The following CNTN1 variants were observed in gnomAD, a reference collection of about 807,000 sequenced individuals.
CNTN1 encodes contactin 1, also known as contactin-1.
CNTN1 carries 38 observed loss-of-function variants against 126.4 expected under a neutral mutation model. The observed-to-expected ratio is 0.30, with a 90% CI of 0.23 to 0.39. CNTN1 has a LOEUF of 0.39. Ranked by LOEUF, CNTN1 falls within the 10% of genes least tolerant of loss-of-function variation. The probability of loss-of-function intolerance (pLI) is 1.00; values close to 1 mark genes in which losing one functional copy is unlikely to be tolerated. For missense variants in CNTN1, 1,009 were observed against 1,248.4 expected (o/e 0.81, Z 2.89); for synonymous variants, 413 against 422.6 (o/e 0.98, Z 0.28).
intron 1 of CNTN1, among the ~76,000 whole-genome samples, chr12:40,779,118 A>G (rs565002217): frequency 1.3e-5 from 2 of 151,836 alleles, no homozygotes; most frequent in Middle Eastern, 3.2e-3. Flanking sequence ...CAAAATAAAT[A>G]ATCTTTATTT....
At chr12:40,972,615 C>T in intron 15 of CNTN1, 1 of 870,472 alleles carries the variant, frequency 1.1e-6, no homozygotes, top group Non-Finnish European at 1.4e-6. Flanking sequence ...AAATAAATGT[C>T]TCTGGCTCAA....
At chr12:40,949,660 C>T (rs912066050) in intron 14 of CNTN1, among the ~76,000 whole-genome samples, 1 of 144,598 alleles carries the variant, frequency 6.9e-6, no homozygotes, top group Non-Finnish European at 1.5e-5. Flanking sequence ...CTCACTGCAA[C>T]CTCTCCCAGG....
At chr12:40,841,901 C>G (rs1290520034) in intron 1 of CNTN1, among the ~76,000 whole-genome samples, 2 of 151,918 alleles carry the variant, frequency 1.3e-5, no homozygotes, top group East Asian at 3.8e-4. Flanking sequence ...ACTCCTATTC[C>G]ACATAGGATT....
intron 14 of CNTN1, among the ~76,000 whole-genome samples, chr12:40,952,647 TTAAGAG>T (rs1184105764): frequency 1.3e-5 from 2 of 152,108 alleles, no homozygotes; most frequent in African/African-American, 4.8e-5. Context: ...AGGCTTGTTA[TTAAGAG>T]TAAGTCAGTT....
chr12:40,774,527 C>G (rs1296924994), intron 1 of CNTN1, among the ~76,000 whole-genome samples: 1 of 151,594 alleles, frequency 6.6e-6, no homozygotes. Context: ...GAGTCTCCTC[C>G]AAGGAGAGAA....
intron 22 of CNTN1, among the ~76,000 whole-genome samples, chr12:41,028,232 G>A (rs201836004): frequency 2.6e-5 from 4 of 151,854 alleles, no homozygotes; most frequent in East Asian, 1.9e-4. Flanking sequence ...GGGTTTCACC[G>A]TCTTGGCCAG....
chr12:40,790,002 AGACCCAT>A (rs1940161090), intron 1 of CNTN1, among the ~76,000 whole-genome samples: 1 of 152,144 alleles, frequency 6.6e-6, no homozygotes, highest in Non-Finnish European at 1.5e-5. Context: ...ATACCTCCAC[AGACCCAT>A]GACTTGTATA....
At chr12:40,875,155 G>A (rs1389648008) in intron 1 of CNTN1, among the ~76,000 whole-genome samples, 1 of 151,916 alleles carries the variant, frequency 6.6e-6, no homozygotes, top group Non-Finnish European at 1.5e-5. Context: ...AAATAGCTGG[G>A]GATCAAGTCT....
intron 1 of CNTN1, among the ~76,000 whole-genome samples, chr12:40,814,209 C>T (rs575003531): frequency 6.6e-6 from 1 of 152,280 alleles, no homozygotes; most frequent in South Asian, 2.1e-4. Flanking sequence ...AATTAGATCC[C>T]ATTTGTCAAT....
At chr12:40,854,109 C>A (rs1375132051) in intron 1 of CNTN1, among the ~76,000 whole-genome samples, 1 of 150,782 alleles carries the variant, frequency 6.6e-6, no homozygotes, top group Non-Finnish European at 1.5e-5. Context: ...TGCTATCTCT[C>A]AAGGATATAA....
At chr12:40,860,700 C>T (rs1943085708) in intron 1 of CNTN1, among the ~76,000 whole-genome samples, 1 of 152,146 alleles carries the variant, frequency 6.6e-6, no homozygotes, top group African/African-American at 2.4e-5. Context: ...AGCTTCCATA[C>T]TCTCTCTAGG....
intron 23 of CNTN1, among the ~76,000 whole-genome samples, chr12:41,052,834 A>G (rs749448419): frequency 4.6e-5 from 7 of 152,062 alleles, no homozygotes; most frequent in Non-Finnish European, 7.4e-5. Context: ...TCGGATTTCC[A>G]GTATATGCTT....
At chr12:40,924,730 A>G (rs1281013618) in intron 6 of CNTN1, 78 bp downstream of exon 6, 4 of 772,260 alleles carry the variant, frequency 5.2e-6, no homozygotes, top group African/African-American at 5.2e-5. Flanking sequence ...TAATAATGCT[A>G]CATTATTAAT....
At chr12:40,988,331 A>G (rs976887104) in intron 16 of CNTN1, among the ~76,000 whole-genome samples, 2 of 152,192 alleles carry the variant, frequency 1.3e-5, no homozygotes. Context: ...GGGGGACATC[A>G]AAGATTCTGC....
chr12:40,752,335 G>A (rs1592048427), intron 1 of CNTN1, among the ~76,000 whole-genome samples: 1 of 152,158 alleles, frequency 6.6e-6, no homozygotes, highest in East Asian at 1.9e-4. Context: ...ATAATACTCT[G>A]TTGCTTGAGT....
At chr12:40,956,056 T>A (rs1054279325) in intron 14 of CNTN1, among the ~76,000 whole-genome samples, 1 of 152,118 alleles carries the variant, frequency 6.6e-6, no homozygotes. Flanking sequence ...ATTTGTTTAG[T>A]AAATGCTGTC....
intron 1 of CNTN1, among the ~76,000 whole-genome samples, chr12:40,732,103 G>A (rs1942514085): frequency 6.6e-6 from 1 of 151,948 alleles, no homozygotes; most frequent in African/African-American, 2.4e-5. Flanking sequence ...AATGAGAAAA[G>A]CTAGAGAAAT....
chr12:41,046,191 C>T lies in CNTN1; in HGVS notation c.2980+16972C>T, dbSNP rs549172675. Among the ~76,000 whole-genome samples the T allele has an allele frequency of 1.9e-4, 29 of 152,232 alleles. No individual in the cohort carries two copies. The East Asian group carries it at 4.3e-3, about 22-fold the overall frequency. On this transcript the variant is annotated intron_variant, in intron 23 of 23. Coordinates refer to ENST00000551295, the MANE Select transcript of CNTN1 (RefSeq NM_001843.4). ...TCTGATGATCTTGTCCTGTGTCCTG[C>T]CTCAGCCACCCACTCATGATCACAA...
intron 1 of CNTN1, among the ~76,000 whole-genome samples, chr12:40,893,200 T>C (rs1481905154): frequency 1.3e-5 from 2 of 151,996 alleles, no homozygotes; most frequent in Non-Finnish European, 2.9e-5. Flanking sequence ...CTCTGCATAG[T>C]CATGTTAGGA....
Sources: allele counts gnomAD v4.1 joint callset (sites outside exome capture counted in the v4.1 genomes callset), GRCh38; gene constraint gnomAD v4.1.1; transcripts MANE v1.5; gene names NCBI Gene and HGNC (gene_info 2026-07-23, HGNC 2026-07-21).